Variants in TMLHE observed in about 807,000 individuals in gnomAD.
The protein encoded by TMLHE is trimethyllysine dioxygenase, mitochondrial.
Under a neutral mutation model 25.7 loss-of-function variants are expected in TMLHE, and 18 were observed. That is an observed-to-expected ratio of 0.70 (90% CI 0.48 to 1.04). TMLHE has a LOEUF of 1.04. Among genes scored for constraint, TMLHE ranks in the 50% least tolerant of loss-of-function variants. The pLI, the probability that TMLHE is intolerant of heterozygous loss-of-function variation, is 0.00. For missense variants in TMLHE, 236 were observed against 259.0 expected (o/e 0.91, Z 0.61); for synonymous variants, 105 against 97.0 (o/e 1.08, Z -0.49).
intron 1 of TMLHE, among the ~76,000 whole-genome samples, chrX:155,586,911 T>C (rs1376256293): frequency 8.9e-6 from 1 of 112,065 alleles, no homozygotes; most frequent in African/African-American, 3.2e-5. Flanking sequence ...ACCAGATGGA[T>C]TCACAGATGA....
At chrX:155,548,476 C>T (rs1323455054) in intron 1 of TMLHE, among the ~76,000 whole-genome samples, 1 of 108,906 alleles carries the variant, frequency 9.2e-6, no homozygotes, top group African/African-American at 3.5e-5. Context: ...TGGCTCATGC[C>T]TGAAATCCCA....
chrX:155,548,493 T>C (rs1426993602), intron 1 of TMLHE, among the ~76,000 whole-genome samples: 1 of 110,191 alleles, frequency 9.1e-6, no homozygotes, highest in Non-Finnish European at 1.9e-5. Context: ...CCCAGCACTT[T>C]GGGAGGTCAA....
chrX:155,544,486 G>T (rs2067331369), intron 2 of TMLHE, among the ~76,000 whole-genome samples: 1 of 111,697 alleles, frequency 9.0e-6, no homozygotes, highest in Non-Finnish European at 1.9e-5. Flanking sequence ...ACTAGAAAAG[G>T]CAAGGAAAAA....
intron 6 of TMLHE, among the ~76,000 whole-genome samples, chrX:155,506,093 G>T (rs1394522694): frequency 9.0e-6 from 1 of 111,059 alleles, no homozygotes; most frequent in Non-Finnish European, 1.9e-5. Context: ...CATAAGGAAG[G>T]ACTCTAGTCT....
chrX:155,514,952 A>AATC (rs1485023387), intron 3 of TMLHE, among the ~76,000 whole-genome samples: 2 of 111,974 alleles, frequency 1.8e-5, no homozygotes, highest in Non-Finnish European at 3.8e-5. Flanking sequence ...CTTCAGGATA[A>AATC]GCAAAGGAAG....
At position 155,570,709 on chromosome X, in the gene TMLHE, G is replaced by A. The variant is rs377609559; in HGVS notation, c.-1-25432C>T. Among the ~76,000 whole-genome samples, 10 of 56,968 alleles carry A rather than the reference G, an allele frequency of 1.8e-4. 2 individuals are homozygous for A. The highest frequency in any genetic ancestry group is 2.5e-4 in the African/African-American group (6 of 23,790). The allele number at this position is 56,968 out of a possible 115,157, so 49.5% of individuals were successfully genotyped here. ...ACTCAAAACCGCTCAACTACATGGAGACTGAACAACCTGCTCCTGAATGAC... is the reference window on the plus strand; with the variant it reads ...ACTCAAAACCGCTCAACTACATGGAAACTGAACAACCTGCTCCTGAATGAC... On this transcript the variant is annotated intron_variant, in intron 1 of 7. Transcript: ENST00000334398.
intron 2 of TMLHE, among the ~76,000 whole-genome samples, chrX:155,544,456 A>C (rs1603044359): frequency 8.9e-6 from 1 of 112,053 alleles, no homozygotes; most frequent in Non-Finnish European, 1.9e-5. Context: ...AAAGCCAAGG[A>C]TTGCCAGCAA....
At chrX:155,548,600 T>TGTTG (rs2057901313) in intron 1 of TMLHE, among the ~76,000 whole-genome samples, 1 of 108,576 alleles carries the variant, frequency 9.2e-6, no homozygotes, top group African/African-American at 3.4e-5. Flanking sequence ...CCGGGTGTGG[T>TGTTG]GGCACACACC....
Position 155,537,635 on chromosome X carries a change from A to ACCTCCTTAATGTCCTCACTTC in TMLHE, c.181+7440_181+7460dup, listed in dbSNP as rs1444154358. On this transcript the variant is annotated intron_variant, in intron 2 of 7. Coordinates refer to ENST00000334398, the MANE Select transcript of TMLHE (RefSeq NM_018196.4). ...CTTGTTTCCTTTAATGTCCTCACTT[A>ACCTCCTTAATGTCCTCACTTC]CCTCCTTAATGTCCTCACTTCCCTC... 6.4e-5 allele frequency among the ~76,000 whole-genome samples: 7 copies of ACCTCCTTAATGTCCTCACTTC among 109,813 alleles called. No homozygotes were observed. The Admixed American group carries it at 6.8e-4, about 11-fold the overall frequency.
chrX:155,545,832 T>A (rs1428813202), intron 1 of TMLHE, among the ~76,000 whole-genome samples: 1 of 111,275 alleles, frequency 9.0e-6, no homozygotes. Flanking sequence ...AGCCTGGACG[T>A]GTAGTAGGCT....
Position 155,589,013 on chromosome X carries a change from T to A in TMLHE, c.-2+23779A>T, listed in dbSNP as rs182754911. Among the ~76,000 whole-genome samples, 215 of 112,118 alleles carry A rather than the reference T, an allele frequency of 1.9e-3. 2 individuals are homozygous for A. Among genetic ancestry groups the A allele is most frequent in the Non-Finnish European group, 2.5e-3 (133 of 53,195 alleles). Reference sequence around the variant, plus strand: ...ATCTAAAGGAAACAAAATCTGTATATCAAAAGAATACCTGCACTTACATGT... The same window carrying A: ...ATCTAAAGGAAACAAAATCTGTATAACAAAAGAATACCTGCACTTACATGT... On this transcript the variant is annotated intron_variant, in intron 1 of 7. Transcript: ENST00000334398.
intron 1 of TMLHE, among the ~76,000 whole-genome samples, chrX:155,578,812 G>C (rs1279757540): frequency 9.0e-6 from 1 of 111,130 alleles, no homozygotes; most frequent in East Asian, 2.8e-4. Context: ...GCCACCACTG[G>C]GGCCCCAAAA....
rs189535694 is a variant in TMLHE at position 155,593,276 on chromosome X, G to A, written c.-2+19516C>T. Among the ~76,000 whole-genome samples the A allele has an allele frequency of 4.4e-3, 494 of 111,738 alleles. 1 individual carries two copies. Among genetic ancestry groups the A allele is most frequent in the African/African-American group, 0.015 (466 of 30,743 alleles). On this transcript the variant is annotated intron_variant, in intron 1 of 7. Coordinates refer to ENST00000334398, the MANE Select transcript of TMLHE (RefSeq NM_018196.4). Reference sequence around the variant, plus strand: ...CAACTCTGCCTGATTTCAGAGCTCAGCCAGTGATGCCATAAGATATTGAAG... The same window carrying A: ...CAACTCTGCCTGATTTCAGAGCTCAACCAGTGATGCCATAAGATATTGAAG...
intron 4 of TMLHE, among the ~76,000 whole-genome samples, chrX:155,512,526 C>G (rs1244407939): frequency 9.0e-6 from 1 of 110,642 alleles, no homozygotes; most frequent in African/African-American, 3.3e-5. Flanking sequence ...GCATAGTATT[C>G]CATGGTGTAT....
At chrX:155,512,213 A>T (rs182076207) in intron 4 of TMLHE, among the ~76,000 whole-genome samples, 130 of 109,899 alleles carry the variant, frequency 1.2e-3, no homozygotes, top group East Asian at 7.1e-3. Context: ...CATGTGCACA[A>T]TGTGCAGGTT....
chrX:155,525,130 G>C lies in TMLHE; in HGVS notation c.182-498C>G, dbSNP rs2067211810. ...ATATATATATGAGGTGATATGGTTT[G>C]GCTCTGTGTCCCCACCCAAATCTCA... On this transcript the variant is annotated intron_variant, in intron 2 of 7. Coordinates refer to ENST00000334398, the MANE Select transcript of TMLHE (RefSeq NM_018196.4). 3.6e-5 allele frequency among the ~76,000 whole-genome samples: 4 copies of C among 111,699 alleles called. No individual in the cohort carries two copies. The South Asian group carries it at 1.5e-3, about 42-fold the overall frequency.
At chrX:155,555,631 A>T (rs1287844081) in intron 1 of TMLHE, among the ~76,000 whole-genome samples, 2 of 111,258 alleles carry the variant, frequency 1.8e-5, no homozygotes, top group Non-Finnish European at 3.8e-5. Context: ...ATGACCAGTG[A>T]TGATGAGCAT....
chrX:155,580,770 C>T (rs1219489783), intron 1 of TMLHE, among the ~76,000 whole-genome samples: 1 of 111,542 alleles, frequency 9.0e-6, no homozygotes, highest in Non-Finnish European at 1.9e-5. Context: ...ACCATTTCTT[C>T]TGAAACTATT....
chrX:155,578,171 G>A (rs2067603183), intron 1 of TMLHE, among the ~76,000 whole-genome samples: 1 of 111,756 alleles, frequency 8.9e-6, no homozygotes, highest in Non-Finnish European at 1.9e-5. Context: ...TGCCCCACAA[G>A]TGCCTGCTTG....
Sources: allele counts gnomAD v4.1 joint callset (sites outside exome capture counted in the v4.1 genomes callset), GRCh38; gene constraint gnomAD v4.1.1; transcripts MANE v1.5; gene names NCBI Gene and HGNC (gene_info 2026-07-23, HGNC 2026-07-21).